EPC2: variants seen among roughly 807,000 people sequenced by gnomAD.
EPC2 encodes enhancer of polycomb 2.
In EPC2, 14 loss-of-function variants were observed where a neutral mutation model predicts 92.1. The ratio of observed to expected loss-of-function variants is 0.15; its 90% CI spans 0.10 to 0.24. The LOEUF (loss-of-function observed/expected upper bound fraction) is 0.24. Ranked by LOEUF, EPC2 falls within the 10% of genes least tolerant of loss-of-function variation. The pLI, the probability that EPC2 is intolerant of heterozygous loss-of-function variation, is 1.00. For missense variants in EPC2, 755 were observed against 971.5 expected, an observed-to-expected ratio of 0.78 and a Z score of 2.96; for synonymous variants, 340 against 334.7, an observed-to-expected ratio of 1.02 and a Z score of -0.17.
At chr2:148,732,946 C>CTTTTTTT (rs147569199) in intron 2 of EPC2, among the ~76,000 whole-genome samples, 2 of 83,830 alleles carry the variant, frequency 2.4e-5, no homozygotes, top group Non-Finnish European at 4.4e-5. Context: ...GTGAATAGCT[C>CTTTTTTT]TTTTTTTTTT....
chr2:148,759,960 A>G (rs1046186092), intron 4 of EPC2, among the ~76,000 whole-genome samples: 2 of 151,988 alleles, frequency 1.3e-5, no homozygotes, highest in African/African-American at 4.8e-5. Flanking sequence ...AAGAGAACAG[A>G]GGCTGGGGGC....
At chr2:148,687,791 C>T (rs1681558451) in intron 1 of EPC2, among the ~76,000 whole-genome samples, 1 of 152,102 alleles carries the variant, frequency 6.6e-6, no homozygotes, top group Non-Finnish European at 1.5e-5. Flanking sequence ...TCTTTTCTTT[C>T]CCGTTTGTTT....
intron 4 of EPC2, among the ~76,000 whole-genome samples, chr2:148,758,751 A>G (rs1026540408): frequency 6.6e-6 from 1 of 152,136 alleles, no homozygotes; most frequent in African/African-American, 2.4e-5. Flanking sequence ...GCAACCTGGG[A>G]GATGCCATCT....
intron 11 of EPC2, among the ~76,000 whole-genome samples, 174 bp from the exon 12 acceptor site, chr2:148,783,423 G>A (rs1024435391): frequency 2.0e-5 from 3 of 151,978 alleles, no homozygotes; most frequent in East Asian, 1.9e-4. Flanking sequence ...GTTTTTGTTC[G>A]TTTCCCTGCT....
At chr2:148,684,677 T>C (rs1681477714) in intron 1 of EPC2, among the ~76,000 whole-genome samples, 1 of 152,234 alleles carries the variant, frequency 6.6e-6, no homozygotes. Context: ...TGCCTCAAAC[T>C]TTCCTCTACA....
intron 2 of EPC2, among the ~76,000 whole-genome samples, chr2:148,734,086 A>ATTAC (rs777993372): frequency 1.3e-5 from 2 of 152,302 alleles, no homozygotes; most frequent in East Asian, 3.9e-4. Flanking sequence ...GTTGTTTATT[A>ATTAC]CTTCTTTTTT....
rs1266146753 is a variant in EPC2, at chr2:148,645,262, G to A, written c.153+92G>A. The stretch of plus-strand genomic sequence containing the variant: ...GCCATTCACAGAGCGCTTTACGCTC[G>A]CTGGAGGGCGCCGCTGCCGCTCTAA... On this transcript the variant is annotated intron_variant, in intron 1 of 13. Transcript: ENST00000258484. 2.5e-5 allele frequency: 28 copies of A among 1,133,600 alleles called. No homozygotes were observed. The Admixed American group carries it at 4.7e-4, about 19-fold the overall frequency. The allele number at this position is 1,133,600 out of a possible 1,614,324, so 70.2% of individuals were successfully genotyped here.
At chr2:148,704,520 A>G (rs546532986) in intron 2 of EPC2, among the ~76,000 whole-genome samples, 25 of 152,334 alleles carry the variant, frequency 1.6e-4, no homozygotes, top group Admixed American at 7.8e-4. Flanking sequence ...TTTATGCTAT[A>G]TGTATTTCAA....
At chr2:148,761,636 G>T in intron 4 of EPC2, 146 bp from the exon 5 acceptor site, 1 of 479,766 alleles carries the variant, frequency 2.1e-6, no homozygotes, top group Non-Finnish European at 3.6e-6. Context: ...AATAGTTATA[G>T]GTTATCTTAC....
At chr2:148,739,833 C>CTTTTTTTTTTTTTT (rs144868417) in intron 2 of EPC2, among the ~76,000 whole-genome samples, 26 of 81,296 alleles carry the variant, frequency 3.2e-4, no homozygotes, top group African/African-American at 7.9e-4. Context: ...TCTTCTTCTT[C>CTTTTTTTTTTTTTT]TTTTTTTTTT....
chr2:148,694,811 C>T (rs1681713272), intron 2 of EPC2, among the ~76,000 whole-genome samples: 1 of 152,210 alleles, frequency 6.6e-6, no homozygotes. Flanking sequence ...GTTGCCCAGG[C>T]TGGAGTGCAG....
chr2:148,707,842 T>G (rs1184216683), intron 2 of EPC2, among the ~76,000 whole-genome samples: 3 of 152,166 alleles, frequency 2.0e-5, no homozygotes, highest in Admixed American at 2.0e-4. Context: ...GGGACACATT[T>G]AAAGCAGTGT....
chr2:148,662,594 A>G (rs1211562983), intron 1 of EPC2, among the ~76,000 whole-genome samples: 11 of 151,920 alleles, frequency 7.2e-5, no homozygotes, highest in Non-Finnish European at 4.4e-5. Flanking sequence ...GCGTGTTGTC[A>G]CTCATAGGTG....
At chr2:148,665,326 T>C (rs1681036049) in intron 1 of EPC2, among the ~76,000 whole-genome samples, 1 of 152,234 alleles carries the variant, frequency 6.6e-6, no homozygotes, top group South Asian at 2.1e-4. Flanking sequence ...ACTAATGTTT[T>C]TAAAAGTCAA....
At chr2:148,660,157 A>G (rs747217234) in intron 1 of EPC2, among the ~76,000 whole-genome samples, 5 of 152,060 alleles carry the variant, frequency 3.3e-5, no homozygotes, top group Non-Finnish European at 7.4e-5. Flanking sequence ...CTTTTTTTCT[A>G]TGTAATATAT....
chr2:148,693,815 C>T (rs774969221), intron 2 of EPC2, among the ~76,000 whole-genome samples: 1 of 152,112 alleles, frequency 6.6e-6, no homozygotes, highest in Non-Finnish European at 1.5e-5. Context: ...TACAACTTGC[C>T]TCCAGGATTA....
intron 1 of EPC2, among the ~76,000 whole-genome samples, chr2:148,685,062 C>T (rs948766756): frequency 3.3e-5 from 5 of 151,950 alleles, no homozygotes; most frequent in African/African-American, 1.2e-4. Flanking sequence ...ATATCTTTTA[C>T]CCATTTTTCC....
chr2:148,768,550 T>A (rs2105428936), intron 7 of EPC2, among the ~76,000 whole-genome samples: 1 of 152,328 alleles, frequency 6.6e-6, no homozygotes, highest in African/African-American at 2.4e-5. Context: ...CCAATGTGCT[T>A]ACTTTAGCAA....
intron 1 of EPC2, among the ~76,000 whole-genome samples, chr2:148,666,504 A>AT (rs1418863616): frequency 6.6e-6 from 1 of 152,264 alleles, no homozygotes; most frequent in African/African-American, 2.4e-5. Flanking sequence ...GTCAGGTACA[A>AT]TAAAAATACA....
Sources: gnomAD v4.1 joint callset for allele counts (sites outside exome capture counted in the v4.1 genomes callset) on GRCh38, gnomAD v4.1.1 for gene constraint, MANE v1.5 for transcripts, NCBI Gene and HGNC (gene_info 2026-07-23, HGNC 2026-07-21) for gene names.